Variants in TMEM116 observed in about 807,000 individuals in gnomAD.
TMEM116 encodes the protein transmembrane protein 116.
Under a neutral mutation model 44.3 loss-of-function variants are expected in TMEM116, and 38 were observed. The ratio of observed to expected loss-of-function variants is 0.86; its 90% CI spans 0.66 to 1.12. TMEM116 has a LOEUF of 1.12. Among genes scored for constraint, TMEM116 ranks in the 50% most tolerant of loss-of-function variants. TMEM116 has a pLI of 0.00. For missense variants in TMEM116, 354 were observed against 401.7 expected, an observed-to-expected ratio of 0.88 and a Z score of 1.01; for synonymous variants, 132 against 144.8, an observed-to-expected ratio of 0.91 and a Z score of 0.64.
intron 4 of TMEM116, among the ~76,000 whole-genome samples, chr12:111,975,498 T>C (rs1186772182): frequency 6.6e-6 from 1 of 152,064 alleles, no homozygotes; most frequent in African/African-American, 2.4e-5. Flanking sequence ...GTAAAGAACA[T>C]AGAAGAGCCA....
At chr12:111,983,515 T>C (rs2076063420) in intron 4 of TMEM116, among the ~76,000 whole-genome samples, 1 of 151,830 alleles carries the variant, frequency 6.6e-6, no homozygotes, top group African/African-American at 2.4e-5. Flanking sequence ...GAGGATTGCT[T>C]GAGCCCAGGA....
intron 4 of TMEM116, among the ~76,000 whole-genome samples, chr12:111,974,699 C>A (rs1232937293): frequency 1.3e-5 from 2 of 149,518 alleles, no homozygotes; most frequent in African/African-American, 4.9e-5. Context: ...GCATCCAGAA[C>A]TGGAAAGGAA....
At chr12:111,956,508 CTCTCCCCTTTGCATGGTCCTCG>C (rs1007371748) in intron 4 of TMEM116, among the ~76,000 whole-genome samples, 8 of 152,150 alleles carry the variant, frequency 5.3e-5, no homozygotes, top group Non-Finnish European at 1.2e-4. Context: ...CTCCCTCTCC[CTCTCCCCTTTGCATGGTCCTCG>C]TCTCCCCTTT....
chr12:111,983,809 T>C (rs2076078908), intron 4 of TMEM116, among the ~76,000 whole-genome samples: 1 of 152,092 alleles, frequency 6.6e-6, no homozygotes, highest in Non-Finnish European at 1.5e-5. Context: ...TAGGATGCAA[T>C]GCTTCCCAAC....
At chr12:111,976,072 G>A (rs1173463133) in intron 4 of TMEM116, among the ~76,000 whole-genome samples, 1 of 151,888 alleles carries the variant, frequency 6.6e-6, no homozygotes, top group Non-Finnish European at 1.5e-5. Context: ...GCAGTGGTGC[G>A]ATCTTGGCTC....
At chr12:111,985,794 G>A (rs1432965962) in intron 4 of TMEM116, among the ~76,000 whole-genome samples, 4 of 151,938 alleles carry the variant, frequency 2.6e-5, no homozygotes, top group South Asian at 4.2e-4. Flanking sequence ...ACGAGGTCTC[G>A]CCATGTTGCC....
At chr12:111,957,633 C>A (rs1297711059) in intron 4 of TMEM116, among the ~76,000 whole-genome samples, 2 of 149,856 alleles carry the variant, frequency 1.3e-5, no homozygotes, top group African/African-American at 4.9e-5. Flanking sequence ...GGCCCCTCTG[C>A]CCGGCTGCCC....
At chr12:111,972,361 G>A (rs962647558) in intron 4 of TMEM116, among the ~76,000 whole-genome samples, 2 of 152,030 alleles carry the variant, frequency 1.3e-5, no homozygotes, top group African/African-American at 4.8e-5. Flanking sequence ...GAACTACAAA[G>A]AGAAATATAC....
At chr12:111,946,894 G>GC (rs2073328013) in intron 4 of TMEM116, among the ~76,000 whole-genome samples, 1 of 152,000 alleles carries the variant, frequency 6.6e-6, no homozygotes, top group South Asian at 2.1e-4. Context: ...TCACACGTCT[G>GC]CAATTCAAAA....
At chr12:111,959,519 G>A (rs986026767) in intron 4 of TMEM116, among the ~76,000 whole-genome samples, 2 of 152,156 alleles carry the variant, frequency 1.3e-5, no homozygotes, top group Non-Finnish European at 2.9e-5. Flanking sequence ...ATGCAAATGG[G>A]CTAAATGCCC....
At chr12:111,974,133 T>G (rs2075519503) in intron 4 of TMEM116, among the ~76,000 whole-genome samples, 2 of 151,806 alleles carry the variant, frequency 1.3e-5, no homozygotes, top group Non-Finnish European at 2.9e-5. Context: ...CATTCTCAAT[T>G]TTAAAAACAG....
intron 1 of TMEM116, among the ~76,000 whole-genome samples, chr12:112,009,257 C>T (rs1262056295): frequency 2.0e-5 from 3 of 152,100 alleles, no homozygotes; most frequent in African/African-American, 7.2e-5. Flanking sequence ...TCCACCACTC[C>T]TGGCCTGAAC....
intron 1 of TMEM116, among the ~76,000 whole-genome samples, chr12:112,006,372 G>A (rs1010845018): frequency 2.0e-5 from 3 of 152,156 alleles, no homozygotes; most frequent in East Asian, 1.9e-4. Flanking sequence ...AGGGGTGGGC[G>A]GAGAAATAAA....
intron 4 of TMEM116, among the ~76,000 whole-genome samples, chr12:111,947,217 G>T (rs1305963115): frequency 6.9e-6 from 1 of 145,588 alleles, no homozygotes. Flanking sequence ...TGGTCACTCT[G>T]GTTAAATAAA....
intron 4 of TMEM116, among the ~76,000 whole-genome samples, chr12:111,946,951 A>C (rs114690330): frequency 0.012 from 1,895 of 152,270 alleles, 45 homozygotes; most frequent in African/African-American, 0.044. Context: ...GTACCTTTTC[A>C]TCAGATTTGA....
intron 4 of TMEM116, among the ~76,000 whole-genome samples, chr12:111,956,171 A>G (rs973400337): frequency 1.3e-5 from 2 of 152,218 alleles, no homozygotes; most frequent in African/African-American, 4.8e-5. Flanking sequence ...TGCTCTGATC[A>G]GCTATGGGTT....
At chr12:111,943,590 A>T (rs527568354) in intron 4 of TMEM116, among the ~76,000 whole-genome samples, 1 of 152,290 alleles carries the variant, frequency 6.6e-6, no homozygotes, top group East Asian at 1.9e-4. Flanking sequence ...GCTGGAGTGC[A>T]ATGGCACAAT....
At position 112,005,287 on chromosome 12, in the gene TMEM116, T is replaced by A; in HGVS notation, c.-17A>T. ...AGTAGCCATGACAAATTGTATCCAC[T>A]GTATTGCAGGAAGAACCTAAGCAAA... On this transcript the variant is annotated 5_prime_UTR_variant, in exon 2 of 11. Coordinates refer to ENST00000552374, the MANE Select transcript of TMEM116 (RefSeq NM_001193531.2). 1 of 1,320,714 alleles carries A rather than the reference T, an allele frequency of 7.6e-7. No homozygotes were observed. Among genetic ancestry groups the A allele is most frequent in the Non-Finnish European group, 9.6e-7 (1 of 1,038,006 alleles). 81.8% of individuals were successfully genotyped at this position (1,320,714 alleles called of 1,614,324 possible). A position where few individuals can be genotyped will look rare whatever the true frequency, so the allele number is the denominator to read the frequency against.
At chr12:111,932,435 A>G in intron 10 of TMEM116, 151 bp downstream of exon 10, 3 of 669,060 alleles carry the variant, frequency 4.5e-6, no homozygotes, top group Non-Finnish European at 5.1e-6. Flanking sequence ...AAATTTTCAC[A>G]TTCTTCATAA....
Sources: allele counts gnomAD v4.1 joint callset (sites outside exome capture counted in the v4.1 genomes callset), GRCh38; gene constraint gnomAD v4.1.1; transcripts MANE v1.5; gene names NCBI Gene and HGNC (gene_info 2026-07-23, HGNC 2026-07-21).